CAMTA1: variants seen among roughly 807,000 people sequenced by gnomAD.
CAMTA1 encodes the protein calmodulin binding transcription activator 1.
Under a neutral mutation model 170.9 loss-of-function variants are expected in CAMTA1, and 27 were observed. That is an observed-to-expected ratio of 0.16 (90% CI 0.12 to 0.22). The LOEUF is 0.22. CAMTA1 is among the 10% of genes least tolerant of loss of function. The probability of loss-of-function intolerance (pLI) is 1.00; values close to 1 mark genes in which losing one functional copy is unlikely to be tolerated. For missense variants in CAMTA1, 1,619 were observed against 2,217.2 expected (o/e 0.73, Z 5.42); for synonymous variants, 833 against 891.5 (o/e 0.93, Z 1.17).
intron 16 of CAMTA1, among the ~76,000 whole-genome samples, chr1:7,743,698 C>T (rs2096834760): frequency 6.6e-6 from 1 of 151,992 alleles, no homozygotes; most frequent in Non-Finnish European, 1.5e-5. Context: ...CTTAAGAACC[C>T]GAAGTGCTGT....
chr1:7,163,283 G>T (rs923342142), intron 4 of CAMTA1, among the ~76,000 whole-genome samples: 1 of 137,972 alleles, frequency 7.2e-6, no homozygotes, highest in Admixed American at 8.1e-5. Flanking sequence ...AGGTGTGGGT[G>T]GCCAGGCTGG....
Position 7,663,931 on chromosome 1 carries a change from G to A in CAMTA1, c.1384G>A (p.Glu462Lys), listed in dbSNP as rs139719679. The A allele has an allele frequency of 9.8e-5, 158 of 1,613,816 alleles. 1 individual carries two copies. The African/African-American group carries it at 1.7e-3, about 17-fold the overall frequency. ...SLSMLPTNVS[E>K]ELVLSTTLDG... ...GTCCATGCTGCCCACCAACGTGTCC[G>A]AAGAGCTGGTCCTCTCCACCACCCT... The change falls in exon 9 of 23, where the codon GAA becomes AAA. Residue 462 changes from glutamate to lysine, a missense_variant. Physicochemically the swap from Glu to Lys is moderately conservative, Grantham distance 56. Transcript: ENST00000303635.
chr1:7,051,414 A>C (rs1706330559), intron 3 of CAMTA1, among the ~76,000 whole-genome samples: 2 of 151,910 alleles, frequency 1.3e-5, no homozygotes, highest in South Asian at 4.1e-4. Context: ...TTCCAGACCC[A>C]CTCTTCGCTA....
chr1:6,939,710 A>G (rs1476044370), intron 3 of CAMTA1, among the ~76,000 whole-genome samples: 1 of 152,238 alleles, frequency 6.6e-6, no homozygotes. Flanking sequence ...CTTGCTGCTC[A>G]GATCTCACCT....
chr1:7,740,329 G>T (rs1306888373), intron 16 of CAMTA1, among the ~76,000 whole-genome samples: 1 of 152,192 alleles, frequency 6.6e-6, no homozygotes, highest in Admixed American at 6.5e-5. Flanking sequence ...GAGGAGTGTG[G>T]CTGTTTCCTA....
rs191057020 is a variant in CAMTA1, at chr1:7,627,235, C to T, written c.511-13165C>T. ...CAAGAATGGCTGGTGTTTAGCTCAT[C>T]GTCTGTTGGAGATCATGATGCTTCC... On this transcript the variant is annotated intron_variant, in intron 6 of 22. Transcript: ENST00000303635. 2.2e-4 allele frequency among the ~76,000 whole-genome samples: 34 copies of T among 152,286 alleles called. No homozygotes were observed. In the East Asian group the frequency reaches 5.8e-3, roughly 26 times the overall value.
intron 6 of CAMTA1, among the ~76,000 whole-genome samples, chr1:7,517,346 C>T (rs965324295): frequency 3.3e-5 from 5 of 152,122 alleles, no homozygotes; most frequent in African/African-American, 1.2e-4. Flanking sequence ...CAGGAGAGTT[C>T]CACTTCTACC....
rs556365152 is a variant in CAMTA1 at position 6,970,460 on chromosome 1, G to A, written c.235-120844G>A. On this transcript the variant is annotated intron_variant, in intron 3 of 22. Coordinates refer to ENST00000303635, the MANE Select transcript of CAMTA1 (RefSeq NM_015215.4). This position sits in a 1 kb window ranked among gnomAD's most constrained non-coding sequence, Gnocchi z 4.4. ...TGGAGGCCGGTCCCAGACCAGCATCGGTGAGGAGGTAATGGGGGTTCTTGC... is the reference window on the plus strand; with the variant it reads ...TGGAGGCCGGTCCCAGACCAGCATCAGTGAGGAGGTAATGGGGGTTCTTGC... 1.8e-3 allele frequency among the ~76,000 whole-genome samples: 274 copies of A among 152,218 alleles called. 1 individual carries two copies. The highest frequency in any genetic ancestry group is 8.3e-3 in the South Asian group (40 of 4,814).
intron 6 of CAMTA1, among the ~76,000 whole-genome samples, chr1:7,525,226 C>T (rs955146099): frequency 6.6e-6 from 1 of 152,006 alleles, no homozygotes; most frequent in East Asian, 1.9e-4. Flanking sequence ...CACTCTTCTC[C>T]GGGCCGCCCT....
intron 5 of CAMTA1, among the ~76,000 whole-genome samples, chr1:7,376,239 C>G (rs892855808): frequency 6.6e-6 from 1 of 152,254 alleles, no homozygotes; most frequent in Non-Finnish European, 1.5e-5. Flanking sequence ...TTCGCTGTCT[C>G]TGCCAACTCG....
chr1:6,850,960 G>A (rs1466672174), intron 3 of CAMTA1, among the ~76,000 whole-genome samples: 1 of 152,146 alleles, frequency 6.6e-6, no homozygotes, highest in Non-Finnish European at 1.5e-5. Context: ...AGGTGTTCTG[G>A]AAAGAAGCAA....
chr1:7,435,766 C>T lies in CAMTA1; in HGVS notation c.439-32064C>T, dbSNP rs1050218301. On this transcript the variant is annotated intron_variant, in intron 5 of 22. Coordinates refer to ENST00000303635, the MANE Select transcript of CAMTA1 (RefSeq NM_015215.4). This position sits in a 1 kb window ranked among gnomAD's most constrained non-coding sequence, Gnocchi z 4.4. Reference sequence around the variant, plus strand: ...GCACAGGGGCCCGCCTATCTGAAGTCAGGGCAATCCACGCAGAGAGCCCTC... The same window carrying T: ...GCACAGGGGCCCGCCTATCTGAAGTTAGGGCAATCCACGCAGAGAGCCCTC... Among the ~76,000 whole-genome samples the T allele has an allele frequency of 5.9e-5, 9 of 152,204 alleles. No homozygotes were observed. The highest frequency in any genetic ancestry group is 1.3e-4 in the Non-Finnish European group (9 of 68,034).
chr1:7,414,200 A>G (rs1457044772), intron 5 of CAMTA1, among the ~76,000 whole-genome samples: 1 of 152,170 alleles, frequency 6.6e-6, no homozygotes, highest in African/African-American at 2.4e-5. Flanking sequence ...TTCATCAAGG[A>G]TATTGGTCTA....
At chr1:7,401,066 T>G (rs2089864941) in intron 5 of CAMTA1, among the ~76,000 whole-genome samples, 1 of 152,238 alleles carries the variant, frequency 6.6e-6, no homozygotes, top group Admixed American at 6.5e-5. Context: ...GAATTGTGTT[T>G]TTGGTGTCAT....
At chr1:7,597,779 G>A (rs141901461) in intron 6 of CAMTA1, among the ~76,000 whole-genome samples, 1 of 151,832 alleles carries the variant, frequency 6.6e-6, no homozygotes, top group African/African-American at 2.4e-5. Flanking sequence ...CATTATGGAG[G>A]GTCATCTGCT....
At chr1:7,320,649 GTTT>G (rs55683398) in intron 5 of CAMTA1, among the ~76,000 whole-genome samples, 28 of 80,314 alleles carry the variant, frequency 3.5e-4, no homozygotes, top group Middle Eastern at 0.014. Flanking sequence ...TGCTGTGTGT[GTTT>G]TTTTTTTTTT....
intron 3 of CAMTA1, among the ~76,000 whole-genome samples, chr1:6,939,939 ATGAAT>A (rs1235144006): frequency 6.6e-6 from 1 of 152,272 alleles, no homozygotes; most frequent in African/African-American, 2.4e-5. Context: ...TGCTCGCTGG[ATGAAT>A]GCATGCATGA....
At chr1:7,543,537 T>C (rs2150122721) in intron 6 of CAMTA1, among the ~76,000 whole-genome samples, 1 of 152,350 alleles carries the variant, frequency 6.6e-6, no homozygotes, top group Non-Finnish European at 1.5e-5. Context: ...GGTATTTCCA[T>C]TTACAAAATA....
intron 3 of CAMTA1, among the ~76,000 whole-genome samples, chr1:6,963,366 T>C (rs1231603383): frequency 1.4e-5 from 2 of 141,984 alleles, no homozygotes; most frequent in Non-Finnish European, 3.1e-5. Flanking sequence ...GCCGCCCCTC[T>C]GGAGCCACCC....
Sources: gnomAD v4.1 joint callset for allele counts (sites outside exome capture counted in the v4.1 genomes callset) on GRCh38, gnomAD v4.1.1 for gene constraint, Gnocchi (gnomAD v3.1) non-coding constraint, MANE v1.5 for transcripts, NCBI Gene and HGNC (gene_info 2026-07-23, HGNC 2026-07-21) for gene names.